The following SYT1 variants were observed in gnomAD, a reference collection of about 807,000 sequenced individuals.
The protein encoded by SYT1 is synaptotagmin 1.
Under a neutral mutation model 44.8 loss-of-function variants are expected in SYT1, and 8 were observed. The ratio of observed to expected loss-of-function variants is 0.18; its 90% CI spans 0.10 to 0.32. SYT1 has a LOEUF of 0.32. SYT1 is among the 10% of genes least tolerant of loss of function. The probability of loss-of-function intolerance (pLI) is 1.00; values close to 1 mark genes in which losing one functional copy is unlikely to be tolerated. For synonymous variants in SYT1, 154 were observed against 188.8 expected (o/e 0.82, Z 1.51); for missense variants, 286 against 509.3 (o/e 0.56, Z 4.22).
At chr12:79,269,274 T>C (rs1391511828) in intron 4 of SYT1, among the ~76,000 whole-genome samples, 1 of 152,110 alleles carries the variant, frequency 6.6e-6, no homozygotes, top group Non-Finnish European at 1.5e-5. Flanking sequence ...TCCCTCTCCA[T>C]GAGCTTTATA....
At chr12:79,243,861 G>A (rs1254159861) in intron 4 of SYT1, among the ~76,000 whole-genome samples, 1 of 151,738 alleles carries the variant, frequency 6.6e-6, no homozygotes, top group Admixed American at 6.6e-5. Context: ...AGGAAGGTGA[G>A]ATGGAAGGAA....
chr12:78,913,879 G>A (rs1876488743), intron 1 of SYT1, among the ~76,000 whole-genome samples: 1 of 151,776 alleles, frequency 6.6e-6, no homozygotes, highest in South Asian at 2.1e-4. Context: ...TATTTATTGT[G>A]TCTCTAGGAG....
intron 9 of SYT1, among the ~76,000 whole-genome samples, chr12:79,411,549 A>G (rs956057510): frequency 3.3e-5 from 5 of 152,166 alleles, no homozygotes; most frequent in African/African-American, 1.2e-4. Context: ...TTAGCTTTCC[A>G]TGCATATTCA....
chr12:79,104,470 T>C (rs922032872), intron 3 of SYT1, among the ~76,000 whole-genome samples: 3 of 152,066 alleles, frequency 2.0e-5, no homozygotes, highest in Non-Finnish European at 4.4e-5. Context: ...ATAAAAATTA[T>C]GATTAGGAAA....
At chr12:79,399,777 G>A (rs11114082) in intron 9 of SYT1, among the ~76,000 whole-genome samples, 21,683 of 152,150 alleles carry the variant, frequency 0.14, 1,960 homozygotes, top group Middle Eastern at 0.34. Flanking sequence ...TCTGGGTGGT[G>A]CCCAAGAATT....
At position 79,044,913 on chromosome 12, in the gene SYT1, G is replaced by A. The variant is rs528293806; in HGVS notation, c.-83-2384G>A. On this transcript the variant is annotated intron_variant, in intron 2 of 10. Coordinates refer to ENST00000261205, the MANE Select transcript of SYT1 (RefSeq NM_005639.3). ...TGTGAGGTGTCAGTGTGCCCCTGCT[G>A]GGGGGTGCCTCCCAGTTAGGCCGCT... is the stretch of plus-strand genomic sequence containing the variant. 2.1e-3 allele frequency among the ~76,000 whole-genome samples: 320 copies of A among 152,276 alleles called. 1 individual carries two copies. Among genetic ancestry groups the A allele is most frequent in the South Asian group, 3.3e-3 (16 of 4,824 alleles).
intron 8 of SYT1, among the ~76,000 whole-genome samples, chr12:79,311,391 GA>G (rs1235472046): frequency 6.7e-6 from 1 of 148,468 alleles, no homozygotes; most frequent in Admixed American, 6.8e-5. Flanking sequence ...AGGATGTGGA[GA>G]AATAGGAACA....
At chr12:79,050,236 A>G (rs1016851077) in intron 3 of SYT1, among the ~76,000 whole-genome samples, 1 of 152,052 alleles carries the variant, frequency 6.6e-6, no homozygotes, top group African/African-American at 2.4e-5. Flanking sequence ...GAGAAAATGT[A>G]TTTACTATTC....
At chr12:78,907,807 C>T (rs1440039566) in intron 1 of SYT1, among the ~76,000 whole-genome samples, 1 of 151,970 alleles carries the variant, frequency 6.6e-6, no homozygotes, top group Admixed American at 6.6e-5. Flanking sequence ...AAAAAAGCAT[C>T]ATCAAAACCA....
chr12:79,284,684 T>C (rs1012370452), intron 4 of SYT1, among the ~76,000 whole-genome samples: 1 of 151,346 alleles, frequency 6.6e-6, no homozygotes, highest in Admixed American at 6.6e-5. Flanking sequence ...AAAAAAAATA[T>C]AAAAATTAGC....
At chr12:78,958,290 C>A (rs1301384645) in intron 1 of SYT1, among the ~76,000 whole-genome samples, 2 of 152,074 alleles carry the variant, frequency 1.3e-5, no homozygotes, top group Admixed American at 1.3e-4. Flanking sequence ...CCAAACAAAA[C>A]AAGTTTGTCT....
At chr12:79,109,848 A>G (rs1350776192) in intron 3 of SYT1, among the ~76,000 whole-genome samples, 1 of 152,134 alleles carries the variant, frequency 6.6e-6, no homozygotes, top group Non-Finnish European at 1.5e-5. Context: ...GTAAATTCCA[A>G]CCACAGAACC....
intron 1 of SYT1, among the ~76,000 whole-genome samples, chr12:78,893,410 A>G (rs1282105638): frequency 6.6e-6 from 1 of 151,814 alleles, no homozygotes; most frequent in Non-Finnish European, 1.5e-5. Flanking sequence ...AATCAATGTT[A>G]AGCATAACTT....
At chr12:79,217,321 T>C (rs1478835624) in intron 3 of SYT1, among the ~76,000 whole-genome samples, 182 bp from the exon 4 acceptor site, 2 of 152,212 alleles carry the variant, frequency 1.3e-5, no homozygotes, top group Non-Finnish European at 2.9e-5. Context: ...GGGGAAGAAC[T>C]CTTCACTCGC....
intron 9 of SYT1, among the ~76,000 whole-genome samples, chr12:79,371,768 G>GAGATAAAAA (rs1203792086): frequency 2.0e-5 from 3 of 152,150 alleles, no homozygotes; most frequent in Non-Finnish European, 4.4e-5. Context: ...ATGCCTCAGA[G>GAGATAAAAA]GTTTGAGATA....
intron 8 of SYT1, among the ~76,000 whole-genome samples, chr12:79,351,135 C>A (rs1046360894): frequency 6.6e-6 from 1 of 152,046 alleles, no homozygotes; most frequent in African/African-American, 2.4e-5. Flanking sequence ...TCCCAAAATG[C>A]CCATATTTTT....
chr12:79,111,328 G>A (rs905554780), intron 3 of SYT1, among the ~76,000 whole-genome samples: 33 of 151,930 alleles, frequency 2.2e-4, no homozygotes, highest in African/African-American at 7.7e-4. Context: ...CCTGCCTTAC[G>A]TAGCCTTTCA....
intron 3 of SYT1, among the ~76,000 whole-genome samples, chr12:79,117,458 C>T (rs1346792768): frequency 1.3e-5 from 2 of 151,402 alleles, no homozygotes; most frequent in African/African-American, 4.9e-5. Context: ...CACACCATCA[C>T]TCTTCAAGAG....
chr12:79,041,852 C>T (rs560894972), intron 2 of SYT1, among the ~76,000 whole-genome samples: 1 of 152,154 alleles, frequency 6.6e-6, no homozygotes, highest in South Asian at 2.1e-4. Context: ...TGAATTTTGT[C>T]AAAGGCTTTT....
Sources: gnomAD v4.1 joint callset for allele counts (sites outside exome capture counted in the v4.1 genomes callset) on GRCh38, gnomAD v4.1.1 for gene constraint, MANE v1.5 for transcripts, NCBI Gene and HGNC (gene_info 2026-07-23, HGNC 2026-07-21) for gene names.